Variants in LMBR1L observed in about 807,000 individuals in gnomAD.
The protein encoded by LMBR1L is protein LMBR1L.
In LMBR1L, 47 loss-of-function variants were observed where a neutral mutation model predicts 67.3. The ratio of observed to expected loss-of-function variants is 0.70; its 90% confidence interval spans 0.55 to 0.89. The LOEUF is 0.89. Among genes scored for constraint, LMBR1L ranks in the 40% least tolerant of loss-of-function variants. The probability of loss-of-function intolerance (pLI) is 0.00; values close to 1 mark genes in which losing one functional copy is unlikely to be tolerated. For missense variants in LMBR1L, 533 were observed against 599.2 expected, an observed-to-expected ratio of 0.89 and a Z score of 1.15; for synonymous variants, 247 against 250.3, an observed-to-expected ratio of 0.99 and a Z score of 0.13.
At position 49,102,966 on chromosome 12, in the gene LMBR1L, GC is replaced by G. The variant is rs1940403148; in HGVS notation, c.632-16del. On this transcript the variant is annotated splice_polypyrimidine_tract_variant and intron_variant, in intron 7 of 16. Coordinates refer to ENST00000267102, the MANE Select transcript of LMBR1L (RefSeq NM_018113.4). The stretch of plus-strand genomic sequence containing the variant: ...TGGAGTACACACTGTAGGGACAAGA[GC>G]CAGTCACTTGCCAGACCCTGCTCTC... The G allele has an allele frequency of 6.2e-7, 1 of 1,613,810 alleles. No individual in the cohort carries two copies. Among genetic ancestry groups the G allele is most frequent in the African/African-American group, 1.3e-5 (1 of 75,002 alleles).
chr12:49,106,403 C>A (rs1045124451), intron 2 of LMBR1L: 2 of 408,022 alleles, frequency 4.9e-6, no homozygotes, highest in African/African-American at 4.1e-5. Flanking sequence ...GGGACTCATC[C>A]TGAGCCATCC....
At chr12:49,106,277 G>A (rs913158521) in intron 2 of LMBR1L, 18 of 412,940 alleles carry the variant, frequency 4.4e-5, no homozygotes, top group Non-Finnish European at 6.8e-5. Context: ...ACTAGTCTGT[G>A]AGGTTGGTTA....
At chr12:49,102,098 C>T in intron 11 of LMBR1L, 22 bp downstream of exon 11, 1 of 1,611,410 alleles carries the variant, frequency 6.2e-7, no homozygotes, top group African/African-American at 1.3e-5. Flanking sequence ...CCACTCCTCA[C>T]CTCTAGGGCT....
At chr12:49,106,322 G>C in intron 2 of LMBR1L, 1 of 380,028 alleles carries the variant, frequency 2.6e-6, no homozygotes, top group Non-Finnish European at 5.1e-6. Flanking sequence ...GGAAAAGAGA[G>C]GAGGGGGAAG....
chr12:49,110,531 G>A lies in LMBR1L; in HGVS notation c.25C>T (p.Leu9=), dbSNP rs1270167659. MEAPDYEV[L]SVREQLFHER... ...TGGAATAGCTGTTCTCGCACGGATA[G>A]CACTTCGTAGTCAGGTGCTTCCATA... is the stretch of plus-strand genomic sequence containing the variant. The change falls in exon 1 of 17, where the codon CTA becomes TTA. Residue 9 remains leucine, a synonymous_variant. Transcript: ENST00000267102. 5 of 1,613,972 alleles carry A rather than the reference G, an allele frequency of 3.1e-6. No individual in the cohort carries two copies. The highest frequency in any genetic ancestry group is 4.2e-6 in the Non-Finnish European group (5 of 1,179,972).
chr12:49,106,133 G>C (rs1329177329), intron 2 of LMBR1L, 176 bp from the exon 3 acceptor site: 1 of 582,776 alleles, frequency 1.7e-6, no homozygotes, highest in Non-Finnish European at 3.0e-6. Context: ...CTCCAGCCAA[G>C]GTGGCAGCTT....
At position 49,100,800 on chromosome 12, in the gene LMBR1L, T is replaced by C. The variant is rs1409152411; in HGVS notation, c.1083-154A>G. The C allele has an allele frequency of 1.2e-5, 8 of 643,220 alleles. No homozygotes were observed. The African/African-American group carries it at 1.3e-4, about 10-fold the overall frequency. The allele number at this position is 643,220 out of a possible 1,614,324, so 39.8% of individuals were successfully genotyped here. On this transcript the variant is annotated intron_variant, in intron 13 of 16. Coordinates refer to ENST00000267102, the MANE Select transcript of LMBR1L (RefSeq NM_018113.4). ...TGGAGTGCAGTGGTGCGATTTCAGC[T>C]CACTGCAACCTTGACCTTCTGGGCT... is the stretch of plus-strand genomic sequence containing the variant.
At chr12:49,106,807 C>T in intron 2 of LMBR1L, 154 bp downstream of exon 2, 1 of 842,580 alleles carries the variant, frequency 1.2e-6, no homozygotes, top group East Asian at 2.5e-5. Context: ...CCGCCCTTGC[C>T]CCTATCTTGC....
At chr12:49,109,882 C>A (rs1217333952) in intron 1 of LMBR1L, 2 of 404,070 alleles carry the variant, frequency 4.9e-6, no homozygotes, top group Non-Finnish European at 9.9e-6. Flanking sequence ...GGAACCCAGC[C>A]TTGCAGGGTT....
intron 13 of LMBR1L, 57 bp downstream of exon 13, chr12:49,101,191 TAG>T: frequency 6.2e-7 from 1 of 1,613,794 alleles, no homozygotes; most frequent in Non-Finnish European, 8.5e-7. Flanking sequence ...GTGCTCGGTC[TAG>T]AGTCCCAGGA....
Position 49,105,924 on chromosome 12 carries a change from G to T in LMBR1L, c.191C>A (p.Ala64Glu). ...TAGGTGCTGAGGCAGGGACACTTAC[G>T]CAATCTTGTTGACGGTGGCATCTTC... is the stretch of plus-strand genomic sequence containing the variant. ...DDEDATVNKI[A>E]LELCTFTLAI... is the part of the protein sequence containing the mutation. Residue 64 changes from alanine (A) to glutamate (E), a missense_variant and splice_region_variant, in exon 3 of 17, where the codon GCG becomes GAG. By Grantham distance (107) the Ala-to-Glu change is moderately radical. Coordinates refer to ENST00000267102, the MANE Select transcript of LMBR1L (RefSeq NM_018113.4). 1 of 1,612,222 alleles carries T rather than the reference G, an allele frequency of 6.2e-7. No homozygotes were observed. Among genetic ancestry groups the T allele is most frequent in the Non-Finnish European group, 8.5e-7 (1 of 1,179,174 alleles).
At position 49,108,561 on chromosome 12, in the gene LMBR1L, CAAAAAAAAAA is replaced by C. The variant is rs35533408; in HGVS notation, c.73-1526_73-1517del. Among the ~76,000 whole-genome samples, 120 of 47,556 alleles carry C rather than the reference CAAAAAAAAAA, an allele frequency of 2.5e-3. 1 individual carries two copies. The highest frequency in any genetic ancestry group is 3.8e-3 in the Non-Finnish European group (104 of 27,518). 31.2% of individuals were successfully genotyped at this position (47,556 alleles called of 152,430 possible). A position where few individuals can be genotyped will look rare whatever the true frequency, so the allele number is the denominator to read the frequency against. ...CTGGCAACAGAGCAAGACTGAGTCT[CAAAAAAAAAA>C]AAAAAAAAAAAAAAAGGCCGTGTGT... On this transcript the variant is annotated intron_variant, in intron 1 of 16. Coordinates refer to ENST00000267102, the MANE Select transcript of LMBR1L (RefSeq NM_018113.4).
chr12:49,103,049 C>A (rs751243803), intron 7 of LMBR1L, 42 bp downstream of exon 7: 2 of 1,610,726 alleles, frequency 1.2e-6, no homozygotes, highest in Non-Finnish European at 1.7e-6. Flanking sequence ...TTACTCTGGT[C>A]CAAGGACCCT....
chr12:49,108,417 C>T (rs1011484808), intron 1 of LMBR1L, among the ~76,000 whole-genome samples: 2 of 152,024 alleles, frequency 1.3e-5, no homozygotes, highest in Non-Finnish European at 2.9e-5. Context: ...CAAAAATTAG[C>T]CAGGCGTGGT....
At chr12:49,102,986 T>C in intron 7 of LMBR1L, 35 bp from the exon 8 acceptor site, 1 of 1,610,904 alleles carries the variant, frequency 6.2e-7, no homozygotes, top group Middle Eastern at 1.6e-4. Context: ...TGCCAGACCC[T>C]GCTCTCCACC....
Position 49,104,887 on chromosome 12 carries a change from T to A in LMBR1L, c.192-2A>T. ...AGGGTAAAGGTGCACAGCTCGAGCCTGGGCAGAGAAGGGGACAGTGTCCTT... is the reference window on the plus strand; with the variant it reads ...AGGGTAAAGGTGCACAGCTCGAGCCAGGGCAGAGAAGGGGACAGTGTCCTT... On this transcript the variant is annotated splice_acceptor_variant, in intron 3 of 16. Coordinates refer to ENST00000267102, the MANE Select transcript of LMBR1L (RefSeq NM_018113.4). LOFTEE classifies it high-confidence loss of function. 1.9e-6 allele frequency: 3 copies of A among 1,609,454 alleles called. No individual in the cohort carries two copies. Among genetic ancestry groups the A allele is most frequent in the Non-Finnish European group, 2.5e-6 (3 of 1,178,280 alleles).
chr12:49,107,048 G>T lies in LMBR1L; in HGVS notation c.73-3C>A. The T allele has an allele frequency of 6.2e-7, 1 of 1,606,590 alleles. No individual in the cohort carries two copies. Among genetic ancestry groups the T allele is most frequent in the Non-Finnish European group, 8.5e-7 (1 of 1,173,086 alleles). On this transcript the variant is annotated splice_region_variant and splice_polypyrimidine_tract_variant and intron_variant, in intron 1 of 16. Coordinates refer to ENST00000267102, the MANE Select transcript of LMBR1L (RefSeq NM_018113.4). ...GTTGCAAACAGAAGTGTTGATATCT[G>T]TAGCAGAATATGAGCTGGGATGAGA...
At chr12:49,102,642 C>A in intron 8 of LMBR1L, 102 bp from the exon 9 acceptor site, 1 of 1,234,552 alleles carries the variant, frequency 8.1e-7, no homozygotes, top group South Asian at 1.3e-5. Context: ...CCCAGGCTTC[C>A]CCCAGACCCT....
chr12:49,109,610 G>C, intron 1 of LMBR1L: 1 of 441,738 alleles, frequency 2.3e-6, no homozygotes, highest in South Asian at 1.6e-5. Flanking sequence ...TTACTATCTG[G>C]AGATGAGGGT....
Sources: gnomAD v4.1 joint callset for allele counts (sites outside exome capture counted in the v4.1 genomes callset) on GRCh38, gnomAD v4.1.1 for gene constraint, MANE v1.5 for transcripts, NCBI Gene and HGNC (gene_info 2026-07-23, HGNC 2026-07-21) for gene names.